Variants in IL17RC observed in about 807,000 individuals in gnomAD.
IL17RC encodes interleukin 17 receptor C.
Under a neutral mutation model 86.7 loss-of-function variants are expected in IL17RC, and 53 were observed. The ratio of observed to expected loss-of-function variants is 0.61; its 90% confidence interval spans 0.49 to 0.77. The LOEUF (loss-of-function observed/expected upper bound fraction) is 0.77. IL17RC is among the 30% of genes least tolerant of loss of function. IL17RC has a pLI of 0.00. For missense variants in IL17RC, 957 were observed against 940.0 expected (o/e 1.02, Z -0.24); for synonymous variants, 439 against 413.1 (o/e 1.06, Z -0.76).
intron 7 of IL17RC, among the ~76,000 whole-genome samples, chr3:9,923,519 C>T (rs1326463381): frequency 6.6e-6 from 1 of 151,556 alleles, no homozygotes. Context: ...CAATGCACTC[C>T]AGCCTGGGCA....
chr3:9,924,430 C>T (rs1469942170), intron 9 of IL17RC, 139 bp downstream of exon 9: 16 of 769,624 alleles, frequency 2.1e-5, no homozygotes, highest in South Asian at 1.9e-4. Context: ...GCTGGCCCTC[C>T]CTTGACCCTT....
intron 8 of IL17RC, 104 bp from the exon 9 acceptor site, chr3:9,924,128 G>T: frequency 6.2e-7 from 1 of 1,608,472 alleles, no homozygotes. Context: ...CCCCAAGCAA[G>T]GGAAAATTGG....
At chr3:9,928,127 C>G in intron 9 of IL17RC, 39 bp from the exon 10 acceptor site, 1 of 1,604,338 alleles carries the variant, frequency 6.2e-7, no homozygotes. Context: ...GGCACATGCC[C>G]ATGGAGGGGA....
intron 7 of IL17RC, among the ~76,000 whole-genome samples, chr3:9,923,445 C>T (rs1341623410): frequency 2.6e-5 from 4 of 151,038 alleles, no homozygotes; most frequent in Non-Finnish European, 5.9e-5. Context: ...CCCAGCTACT[C>T]GGGTGGCTGA....
At position 9,928,422 on chromosome 3, in the gene IL17RC, C is replaced by T. The variant is rs779454028; in HGVS notation, c.995C>T (p.Ala332Val). 4 of 1,606,704 alleles carry T rather than the reference C, an allele frequency of 2.5e-6. No homozygotes were observed. The South Asian group carries it at 3.3e-5, about 13-fold the overall frequency. Residue 332 changes from alanine to valine, a missense_variant, in exon 11 of 19, where the codon GCT becomes GTT. By Grantham distance (64) the Ala-to-Val change is moderately conservative. Coordinates refer to ENST00000403601, the MANE Select transcript of IL17RC (RefSeq NM_153460.4). ...GCAGAAGCGGCACTGTGCTGGCGGG[C>T]TCCGGGTGGGGACCCCTGCCAGCCA... The part of the protein sequence containing the change: ...LPAEAALCWR[A>V]PGGDPCQPLV...
rs1322166868 is a variant in IL17RC, at chr3:9,928,393, G to C, written c.966G>C (p.Leu322=). Residue 322 remains leucine (L), a synonymous_variant, in exon 11 of 19, where the codon CTG becomes CTC. Transcript: ENST00000403601. The part of the protein sequence containing the change: ...QSWLLDAPCS[L]PAEAALCWRA... ...GGCTGCTGGACGCACCGTGCTCGCT[G>C]CCCGCAGAAGCGGCACTGTGCTGGC... 6.2e-7 allele frequency: 1 copy of C among 1,604,706 alleles called. No individual in the cohort carries two copies. The highest frequency in any genetic ancestry group is 1.3e-5 in the African/African-American group (1 of 74,780).
chr3:9,927,943 T>C (rs1201387301), intron 9 of IL17RC, among the ~76,000 whole-genome samples: 6 of 150,864 alleles, frequency 4.0e-5, no homozygotes, highest in African/African-American at 1.5e-4. Flanking sequence ...AGCGAGACTC[T>C]ATCTCAAAAA....
rs376117551 is a variant in IL17RC at position 9,933,383 on chromosome 3, C to G, written c.1953C>G (p.Pro651=). 6.2e-6 allele frequency: 10 copies of G among 1,612,930 alleles called. No homozygotes were observed. Among genetic ancestry groups the G allele is most frequent in the African/African-American group, 1.3e-5 (1 of 74,932 alleles). ...DAVPALFRTV[P]VFTLPSQLPD... ...TACCCGCCCTTTTCCGCACCGTGCC[C>G]GTCTTCACACTGCCCTCCCAACTGC... Residue 651 remains proline (P), a synonymous_variant, in exon 19 of 19, where the codon CCC becomes CCG. Transcript: ENST00000403601.
Position 9,923,970 on chromosome 3 carries a change from T to C in IL17RC, c.712T>C (p.Tyr238His). The stretch of plus-strand genomic sequence containing the variant: ...GGAGCAGCACTTCGGCCTCTCCCTG[T>C]ACTGGAATCAGGTCCAGGGCCCCCC... ...SEEQHFGLSLYWNQVQGPPKP... is the reference protein window; with the variant it reads ...SEEQHFGLSLHWNQVQGPPKP... Residue 238 changes from tyrosine to histidine, a missense_variant, in exon 8 of 19, where the codon TAC becomes CAC. Coordinates refer to ENST00000403601, the MANE Select transcript of IL17RC (RefSeq NM_153460.4). The C allele has an allele frequency of 6.2e-7, 1 of 1,614,160 alleles. No homozygotes were observed. Among genetic ancestry groups the C allele is most frequent in the East Asian group, 2.2e-5 (1 of 44,888 alleles).
rs142964671 is a variant in IL17RC, at chr3:9,923,293, G to T, written c.623-588G>T. Among the ~76,000 whole-genome samples, 194 of 20,476 alleles carry T rather than the reference G, an allele frequency of 9.5e-3. 1 individual carries two copies. Among genetic ancestry groups the T allele is most frequent in the African/African-American group, 0.04 (186 of 4,614 alleles). 13.4% of individuals were successfully genotyped at this position (20,476 alleles called of 152,430 possible). ...AGGCTGTGCGCGATGGCTCACGTCT[G>T]CAATCCCAGCACTTTGGGGAAGCTG... On this transcript the variant is annotated intron_variant, in intron 7 of 18. Coordinates refer to ENST00000403601, the MANE Select transcript of IL17RC (RefSeq NM_153460.4).
intron 12 of IL17RC, 148 bp from the exon 13 acceptor site, chr3:9,929,704 C>A: frequency 1.2e-6 from 1 of 803,512 alleles, no homozygotes; most frequent in Non-Finnish European, 2.2e-6. Flanking sequence ...GATTCCTAAT[C>A]ACCCAGCCTT....
rs2125279650 is a variant in IL17RC at position 9,930,604 on chromosome 3, G to C, written c.1338+145G>C. ...AAGAAGCACAGTTCCTATCCCCAAG[G>C]AGCACACTGTTGGCTAGACACCCAT... is the stretch of plus-strand genomic sequence containing the variant. On this transcript the variant is annotated intron_variant, in intron 15 of 18. Coordinates refer to ENST00000403601, the MANE Select transcript of IL17RC (RefSeq NM_153460.4). This position sits in a 1 kb window ranked among gnomAD's most constrained non-coding sequence, Gnocchi z 5.8. 1 of 821,100 alleles carries C rather than the reference G, an allele frequency of 1.2e-6. No individual in the cohort carries two copies. Among genetic ancestry groups the C allele is most frequent in the South Asian group, 1.7e-5 (1 of 59,170 alleles). The allele number at this position is 821,100 out of a possible 1,614,324, so 50.9% of individuals were successfully genotyped here. A position where few individuals can be genotyped will look rare whatever the true frequency, so the allele number is the denominator to read the frequency against.
At chr3:9,926,225 G>C (rs1278333304) in intron 9 of IL17RC, among the ~76,000 whole-genome samples, 1 of 151,938 alleles carries the variant, frequency 6.6e-6, no homozygotes, top group Non-Finnish European at 1.5e-5. Flanking sequence ...GTAGAGACAG[G>C]GTTTCACCAT....
In IL17RC at chr3:9,928,683, C is replaced by G. The variant is rs1354539476; in HGVS notation, c.1110+53C>G. ...TGGAGGCTGGACCTGGGCAGACCCC[C>G]CAGCCAAGGGGGTCTTAGTTCTTGG... On this transcript the variant is annotated intron_variant, in intron 12 of 18. Coordinates refer to ENST00000403601, the MANE Select transcript of IL17RC (RefSeq NM_153460.4). 9 of 1,582,234 alleles carry G rather than the reference C, an allele frequency of 5.7e-6. No homozygotes were observed. In the East Asian group the frequency reaches 2.0e-4, roughly 35 times the overall value.
chr3:9,924,030 C>T lies in IL17RC; in HGVS notation c.762+10C>T, dbSNP rs1217532531. Reference sequence around the variant, plus strand: ...GTGGCACAAAAACCTGGTGAGGCCTCCCCCTTCCCAAGTCCATTCCCACTG... The same window carrying T: ...GTGGCACAAAAACCTGGTGAGGCCTTCCCCTTCCCAAGTCCATTCCCACTG... On this transcript the variant is annotated intron_variant, in intron 8 of 18. Transcript: ENST00000403601. The T allele has an allele frequency of 1.1e-5, 17 of 1,613,080 alleles. No homozygotes were observed. The highest frequency in any genetic ancestry group is 1.4e-5 in the Non-Finnish European group (17 of 1,179,964).
intron 9 of IL17RC, among the ~76,000 whole-genome samples, chr3:9,926,592 T>C (rs2125231482): frequency 6.6e-6 from 1 of 152,028 alleles, no homozygotes; most frequent in East Asian, 1.9e-4. Flanking sequence ...CGCCTACTTG[T>C]TTTTTGTTTT....
In IL17RC at chr3:9,928,389, C is replaced by T. The variant is rs141178913; in HGVS notation, c.962C>T (p.Ser321Leu). 7.0e-5 allele frequency: 112 copies of T among 1,604,878 alleles called. No individual in the cohort carries two copies. Among genetic ancestry groups the T allele is most frequent in the Admixed American group, 2.9e-4 (17 of 59,000 alleles). Reference sequence around the variant, plus strand: ...AGCTGGCTGCTGGACGCACCGTGCTCGCTGCCCGCAGAAGCGGCACTGTGC... The same window carrying T: ...AGCTGGCTGCTGGACGCACCGTGCTTGCTGCCCGCAGAAGCGGCACTGTGC... ...LQSWLLDAPC[S>L]LPAEAALCWR... The change falls in exon 11 of 19, where the codon TCG becomes TTG. Residue 321 changes from serine (S) to leucine (L), a missense_variant. Transcript: ENST00000403601.
chr3:9,931,003 C>A, intron 16 of IL17RC, 60 bp downstream of exon 16: 2 of 1,376,680 alleles, frequency 1.5e-6, no homozygotes, highest in South Asian at 1.2e-5. Flanking sequence ...TTGACAGGGA[C>A]CACTCTTGGG....
chr3:9,931,149 C>T (rs1322485224), intron 16 of IL17RC, among the ~76,000 whole-genome samples: 1 of 152,066 alleles, frequency 6.6e-6, no homozygotes, highest in African/African-American at 2.4e-5. Context: ...CCCCGCCCCA[C>T]CCCTAGAAGA....
Sources: allele counts gnomAD v4.1 joint callset (sites outside exome capture counted in the v4.1 genomes callset), GRCh38; gene constraint gnomAD v4.1.1; non-coding constraint Gnocchi (gnomAD v3.1); transcripts MANE v1.5; gene names NCBI Gene and HGNC (gene_info 2026-07-23, HGNC 2026-07-21).